The following LRRC20 variants were observed in gnomAD, a reference collection of about 807,000 sequenced individuals.
The protein encoded by LRRC20 is leucine-rich repeat-containing protein 20.
Under a neutral mutation model 14.4 loss-of-function variants are expected in LRRC20, and 11 were observed. That is an observed-to-expected ratio of 0.77 (90% CI 0.48 to 1.27). The LOEUF (loss-of-function observed/expected upper bound fraction) is 1.27, where lower values mean the gene tolerates loss of function less well. LRRC20 is among the 50% of genes most tolerant of loss of function. The probability of loss-of-function intolerance (pLI) is 0.00; values close to 1 mark genes in which losing one functional copy is unlikely to be tolerated. For synonymous variants in LRRC20, 121 were observed against 107.3 expected (o/e 1.13, Z -0.79); for missense variants, 219 against 251.2 (o/e 0.87, Z 0.87).
chr10:70,338,968 CAT>C (rs1211203520), intron 3 of LRRC20, among the ~76,000 whole-genome samples: 4 of 151,734 alleles, frequency 2.6e-5, no homozygotes, highest in African/African-American at 9.7e-5. Flanking sequence ...GCAACGTGGA[CAT>C]ATGTTTTTAC....
At chr10:70,351,538 T>C (rs1170597120) in intron 2 of LRRC20, among the ~76,000 whole-genome samples, 6 of 152,210 alleles carry the variant, frequency 3.9e-5, no homozygotes, top group African/African-American at 9.6e-5. Context: ...CCCTCTCTTC[T>C]GCATGGCAAT....
At chr10:70,308,527 C>A (rs1218922981) in intron 4 of LRRC20, among the ~76,000 whole-genome samples, 3 of 152,178 alleles carry the variant, frequency 2.0e-5, no homozygotes, top group African/African-American at 7.2e-5. Flanking sequence ...CAGTCCACGG[C>A]CTTGAATGCT....
chr10:70,326,400 A>G lies in LRRC20; in HGVS notation c.233-2370T>C, dbSNP rs558508203. On this transcript the variant is annotated intron_variant, in intron 3 of 4. Transcript: ENST00000446961. ...CAGCACACTGGGGTTCTTGGGAGGAACTACATCTGATTCATCTTTGTCCCT... is the reference window on the plus strand; with the variant it reads ...CAGCACACTGGGGTTCTTGGGAGGAGCTACATCTGATTCATCTTTGTCCCT... 2.0e-5 allele frequency among the ~76,000 whole-genome samples: 3 copies of G among 152,136 alleles called. No homozygotes were observed. In the East Asian group the frequency reaches 5.8e-4, roughly 29 times the overall value.
At chr10:70,323,264 T>G (rs1185414154) in intron 4 of LRRC20, among the ~76,000 whole-genome samples, 8 of 151,824 alleles carry the variant, frequency 5.3e-5, no homozygotes, top group Non-Finnish European at 1.0e-4. Context: ...AGGAGACACA[T>G]AATCGCTGCA....
rs549838939 is a variant in LRRC20, at chr10:70,304,248, G to C, written c.401-2740C>G. On this transcript the variant is annotated intron_variant, in intron 4 of 4. Coordinates refer to ENST00000446961, the MANE Select transcript of LRRC20 (RefSeq NM_001278212.2). ...AAAACCTCCCACCCTAGCACAGGACGGGGCCAGACCTCATCCCATGCAGTC... is the reference window on the plus strand; with the variant it reads ...AAAACCTCCCACCCTAGCACAGGACCGGGCCAGACCTCATCCCATGCAGTC... Among the ~76,000 whole-genome samples the C allele has an allele frequency of 9.2e-5, 14 of 152,012 alleles. No homozygotes were observed. In the South Asian group the frequency reaches 2.7e-3, roughly 29 times the overall value.
chr10:70,305,933 G>A (rs1841403838), intron 4 of LRRC20, among the ~76,000 whole-genome samples: 1 of 151,992 alleles, frequency 6.6e-6, no homozygotes, highest in African/African-American at 2.4e-5. Flanking sequence ...GTAGAGACGG[G>A]ATTTCACCGT....
intron 2 of LRRC20, among the ~76,000 whole-genome samples, chr10:70,364,972 G>C (rs375010292): frequency 1.3e-5 from 2 of 151,486 alleles, no homozygotes; most frequent in African/African-American, 2.4e-5. Context: ...GTAAGCCAGT[G>C]ATTCTCAAAA....
intron 4 of LRRC20, among the ~76,000 whole-genome samples, chr10:70,308,584 A>G (rs1483969644): frequency 6.6e-6 from 1 of 152,060 alleles, no homozygotes; most frequent in Non-Finnish European, 1.5e-5. Flanking sequence ...CCCCAATAAG[A>G]AGACTGGCTA....
At chr10:70,366,126 A>G (rs1238906270) in intron 2 of LRRC20, among the ~76,000 whole-genome samples, 1 of 151,830 alleles carries the variant, frequency 6.6e-6, no homozygotes, top group Non-Finnish European at 1.5e-5. Flanking sequence ...AAGCACATGA[A>G]AAGTTGTACA....
At chr10:70,323,796 CCA>C in intron 4 of LRRC20, 65 bp downstream of exon 4, 2 of 1,566,974 alleles carry the variant, frequency 1.3e-6, no homozygotes, top group Non-Finnish European at 1.7e-6. Context: ...AAGGTCGACT[CCA>C]GAGTCCTGTG....
At chr10:70,362,513 A>T (rs1843773866) in intron 2 of LRRC20, among the ~76,000 whole-genome samples, 1 of 152,258 alleles carries the variant, frequency 6.6e-6, no homozygotes, top group Admixed American at 6.5e-5. Context: ...CCCACATTTG[A>T]CAGATGAGAA....
chr10:70,349,235 C>T (rs1843198405), intron 2 of LRRC20, among the ~76,000 whole-genome samples: 3 of 152,218 alleles, frequency 2.0e-5, no homozygotes, highest in Admixed American at 2.0e-4. Flanking sequence ...AGAGAGAATT[C>T]CTAAACCAGC....
chr10:70,308,466 C>T (rs1841508015), intron 4 of LRRC20, among the ~76,000 whole-genome samples: 1 of 152,126 alleles, frequency 6.6e-6, no homozygotes, highest in Non-Finnish European at 1.5e-5. Context: ...TCTGGGGTGA[C>T]CTGGCCTCTC....
In LRRC20 at chr10:70,301,452, AG is replaced by A; in HGVS notation, c.456del (p.Phe153SerfsTer10). On this transcript the variant is annotated frameshift_variant, in exon 5 of 5. Coordinates refer to ENST00000446961, the MANE Select transcript of LRRC20 (RefSeq NM_001278212.2). LOFTEE classifies it high-confidence loss of function. ...AMPALRSINLRFNPLNAEVRV... is the reference protein window; with the variant it reads ...AMPALRSINLXFNPLNAEVRV... ...CGCACCTCGGCGTTGAGTGGGTTGA[AG>A]CGGAGGTTGATGCTGCGCAAGGCTG... 6.2e-7 allele frequency: 1 copy of A among 1,614,082 alleles called. No individual in the cohort carries two copies. Among genetic ancestry groups the A allele is most frequent in the Non-Finnish European group, 8.5e-7 (1 of 1,180,028 alleles).
At chr10:70,343,239 G>A (rs1842975220) in intron 2 of LRRC20, among the ~76,000 whole-genome samples, 1 of 152,042 alleles carries the variant, frequency 6.6e-6, no homozygotes, top group African/African-American at 2.4e-5. Context: ...CCCTTTTTGT[G>A]CTATCTTCCC....
At position 70,301,285 on chromosome 10, in the gene LRRC20, C is replaced by T. The variant is rs1045408764; in HGVS notation, c.*69G>A. ...GCCCCCAGGCTTGGCCTCCCATGGG[C>T]CTCCCTCCCTTCCAGGGTTCCAGGC... On this transcript the variant is annotated 3_prime_UTR_variant, in exon 5 of 5. Coordinates refer to ENST00000446961, the MANE Select transcript of LRRC20 (RefSeq NM_001278212.2). The T allele has an allele frequency of 2.3e-5, 36 of 1,541,982 alleles. No individual in the cohort carries two copies. Among genetic ancestry groups the T allele is most frequent in the African/African-American group, 6.9e-5 (5 of 72,988 alleles).
intron 2 of LRRC20, among the ~76,000 whole-genome samples, chr10:70,345,707 T>G (rs1196793616): frequency 6.6e-6 from 1 of 152,228 alleles, no homozygotes; most frequent in Non-Finnish European, 1.5e-5. Flanking sequence ...TCCAGAATAT[T>G]TATGCCAATT....
chr10:70,301,952 T>A (rs1403081722), intron 4 of LRRC20, among the ~76,000 whole-genome samples: 1 of 152,216 alleles, frequency 6.6e-6, no homozygotes, highest in Non-Finnish European at 1.5e-5. Flanking sequence ...ATATGATATA[T>A]GGAATACTAT....
Position 70,349,637 on chromosome 10 carries a change from C to T in LRRC20, c.83-8935G>A, listed in dbSNP as rs1843218067. Reference sequence around the variant, plus strand: ...AACAGCACTGAGTATTTGCTATGTGCCAGACACAGTTCTAGGCACTTTTTC... The same window carrying T: ...AACAGCACTGAGTATTTGCTATGTGTCAGACACAGTTCTAGGCACTTTTTC... On this transcript the variant is annotated intron_variant, in intron 2 of 4. Coordinates refer to ENST00000446961, the MANE Select transcript of LRRC20 (RefSeq NM_001278212.2). Among the ~76,000 whole-genome samples, 4 of 152,226 alleles carry T rather than the reference C, an allele frequency of 2.6e-5. No homozygotes were observed. The South Asian group carries it at 8.3e-4, about 32-fold the overall frequency.
Sources: allele counts gnomAD v4.1 joint callset (sites outside exome capture counted in the v4.1 genomes callset), GRCh38; gene constraint gnomAD v4.1.1; transcripts MANE v1.5; gene names NCBI Gene and HGNC (gene_info 2026-07-23, HGNC 2026-07-21).